COL23A1: variants seen among roughly 807,000 people sequenced by gnomAD.
COL23A1 encodes the protein collagen alpha-1(XXIII) chain.
COL23A1 carries 97 observed loss-of-function variants against 99.3 expected under a neutral mutation model. That is an observed-to-expected ratio of 0.98 (90% CI 0.83 to 1.16). COL23A1 has a LOEUF of 1.16. COL23A1 is among the 50% of genes most tolerant of loss of function. The pLI, the probability that COL23A1 is intolerant of heterozygous loss-of-function variation, is 0.00. For synonymous variants in COL23A1, 320 were observed against 308.2 expected (o/e 1.04, Z -0.40); for missense variants, 762 against 757.4 (o/e 1.01, Z -0.07).
chr5:178,502,675 T>C (rs1758635051), intron 2 of COL23A1, among the ~76,000 whole-genome samples: 1 of 152,158 alleles, frequency 6.6e-6, no homozygotes, highest in Admixed American at 6.5e-5. Flanking sequence ...AAATGAACGT[T>C]AGGATGTTTG....
chr5:178,382,008 T>C (rs1763407151), intron 2 of COL23A1, among the ~76,000 whole-genome samples: 1 of 152,110 alleles, frequency 6.6e-6, no homozygotes, highest in Admixed American at 6.5e-5. Flanking sequence ...GAGGGCAGGT[T>C]AGTCTTGCCC....
intron 5 of COL23A1, among the ~76,000 whole-genome samples, chr5:178,285,088 A>G (rs1757083838): frequency 6.6e-6 from 1 of 152,234 alleles, no homozygotes; most frequent in South Asian, 2.1e-4. Flanking sequence ...CACGGAGGGC[A>G]TGGACAGGGC....
chr5:178,314,689 C>T (rs1230686370), intron 2 of COL23A1, among the ~76,000 whole-genome samples: 1 of 152,202 alleles, frequency 6.6e-6, no homozygotes, highest in Non-Finnish European at 1.5e-5. Flanking sequence ...CAACTTTACA[C>T]TTGGCCCCAA....
At chr5:178,405,648 C>T (rs578056898) in intron 2 of COL23A1, among the ~76,000 whole-genome samples, 1 of 152,296 alleles carries the variant, frequency 6.6e-6, no homozygotes, top group South Asian at 2.1e-4. Flanking sequence ...ACCACCACTA[C>T]TGAACAGTTC....
chr5:178,563,526 C>CTTTTTT (rs779487808), intron 1 of COL23A1, among the ~76,000 whole-genome samples: 12 of 83,228 alleles, frequency 1.4e-4, no homozygotes, highest in Non-Finnish European at 1.9e-4. Flanking sequence ...TCAGAACTCA[C>CTTTTTT]TTTTTTTTTT....
Position 178,313,181 on chromosome 5 carries a change from G to A in COL23A1, c.362-6262C>T, listed in dbSNP as rs1022222685. On this transcript the variant is annotated intron_variant, in intron 2 of 28. Transcript: ENST00000390654. The surrounding 1 kb of genome is among the most constrained non-coding windows in gnomAD (Gnocchi z 4.2). The stretch of plus-strand genomic sequence containing the variant: ...AGAAGGTGGAATAGGGGGTGCCATC[G>A]GTGGGCTGGGCTAGGGGAGGCGAGA... 2.0e-5 allele frequency among the ~76,000 whole-genome samples: 3 copies of A among 152,158 alleles called. No individual in the cohort carries two copies. Among genetic ancestry groups the A allele is most frequent in the African/African-American group, 4.8e-5 (2 of 41,434 alleles).
intron 2 of COL23A1, among the ~76,000 whole-genome samples, chr5:178,411,828 C>T (rs1048473539): frequency 6.6e-6 from 1 of 152,198 alleles, no homozygotes; most frequent in Middle Eastern, 3.2e-3. Flanking sequence ...CATTAAAATC[C>T]AAGCAAGATA....
At chr5:178,418,947 C>T (rs73350818) in intron 2 of COL23A1, among the ~76,000 whole-genome samples, 3,756 of 152,272 alleles carry the variant, frequency 0.025, 162 homozygotes, top group African/African-American at 0.085. Context: ...AGAATGGAAG[C>T]CCCAGGAGAG....
intron 3 of COL23A1, among the ~76,000 whole-genome samples, chr5:178,293,820 G>A (rs1324361079): frequency 6.6e-6 from 1 of 152,078 alleles, no homozygotes; most frequent in Non-Finnish European, 1.5e-5. Flanking sequence ...TGTGAACTGA[G>A]AATTTGTGGA....
At chr5:178,510,086 T>C (rs1354749768) in intron 2 of COL23A1, among the ~76,000 whole-genome samples, 1 of 152,228 alleles carries the variant, frequency 6.6e-6, no homozygotes, top group Non-Finnish European at 1.5e-5. Context: ...CAGTTAATCA[T>C]GAGAAAATGC....
At chr5:178,579,073 CAG>C (rs1300958607) in intron 1 of COL23A1, among the ~76,000 whole-genome samples, 1 of 152,158 alleles carries the variant, frequency 6.6e-6, no homozygotes, top group Non-Finnish European at 1.5e-5. Context: ...CTCCTTGACT[CAG>C]AGGCTGGACA....
In COL23A1 at chr5:178,358,006, ATGTG is replaced by A. The variant is rs533021703; in HGVS notation, c.362-51091_362-51088del. On this transcript the variant is annotated intron_variant, in intron 2 of 28. Transcript: ENST00000390654. Reference sequence around the variant, plus strand: ...TGTGTGTATGCGTGTGTGTATATGTATGTGTGTGTATGTGTGTGTATGCGTATGT... The same window carrying A: ...TGTGTGTATGCGTGTGTGTATATGTATGTGTATGTGTGTGTATGCGTATGT... Among the ~76,000 whole-genome samples the A allele has an allele frequency of 2.6e-3, 309 of 118,148 alleles. 4 individuals are homozygous for A. Among genetic ancestry groups the A allele is most frequent in the East Asian group, 0.012 (48 of 3,848 alleles). The allele number at this position is 118,148 out of a possible 152,430, so 77.5% of individuals were successfully genotyped here.
intron 5 of COL23A1, among the ~76,000 whole-genome samples, chr5:178,276,390 G>C (rs893234489): frequency 2.6e-5 from 4 of 152,226 alleles, no homozygotes; most frequent in African/African-American, 4.8e-5. Flanking sequence ...AGGGAACGGA[G>C]CCCTCAAAAT....
At chr5:178,446,605 G>A (rs545774884) in intron 2 of COL23A1, among the ~76,000 whole-genome samples, 9 of 152,088 alleles carry the variant, frequency 5.9e-5, no homozygotes, top group African/African-American at 1.4e-4. Context: ...GATAGCCACC[G>A]CTGTCATAGA....
rs1444407403 is a variant in COL23A1, at chr5:178,387,077, C to T, written c.362-80158G>A. The stretch of plus-strand genomic sequence containing the variant: ...TGCTGTCCGACTTCCTGGCACTCTG[C>T]ACCCCCACCTTATTTCTCTCCCACG... On this transcript the variant is annotated intron_variant, in intron 2 of 28. Transcript: ENST00000390654. The surrounding 1 kb of genome is among the most constrained non-coding windows in gnomAD (Gnocchi z 4.7). Among the ~76,000 whole-genome samples the T allele has an allele frequency of 3.3e-5, 5 of 152,246 alleles. No homozygotes were observed. In the East Asian group the frequency reaches 5.8e-4, roughly 18 times the overall value.
chr5:178,349,403 CTG>C (rs1404816196), intron 2 of COL23A1, among the ~76,000 whole-genome samples: 2 of 152,162 alleles, frequency 1.3e-5, no homozygotes, highest in Non-Finnish European at 2.9e-5. Flanking sequence ...CCGGGTGATG[CTG>C]TGACTGGCTT....
Position 178,589,441 on chromosome 5 carries a change from C to T in COL23A1, c.294+463G>A, listed in dbSNP as rs1183727773. On this transcript the variant is annotated intron_variant, in intron 1 of 28. Coordinates refer to ENST00000390654, the MANE Select transcript of COL23A1 (RefSeq NM_173465.4). This position sits in a 1 kb window ranked among gnomAD's most constrained non-coding sequence, Gnocchi z 5.4. Reference sequence around the variant, plus strand: ...AGCGGGGCCCAGCCCTCGGGCCTGTCTGAGGCTTTCCTCCGCCGTGACCAC... The same window carrying T: ...AGCGGGGCCCAGCCCTCGGGCCTGTTTGAGGCTTTCCTCCGCCGTGACCAC... 1.3e-5 allele frequency among the ~76,000 whole-genome samples: 2 copies of T among 152,174 alleles called. No homozygotes were observed. The highest frequency in any genetic ancestry group is 2.9e-5 in the Non-Finnish European group (2 of 68,030).
intron 2 of COL23A1, among the ~76,000 whole-genome samples, chr5:178,543,060 G>A (rs1229185804): frequency 1.3e-5 from 2 of 151,974 alleles, no homozygotes; most frequent in African/African-American, 4.8e-5. Flanking sequence ...GTGGAGCTGT[G>A]TGTGTTCGAG....
rs1250663155 is a variant in COL23A1 at position 178,248,217 on chromosome 5, G to A, written c.1187C>T (p.Ala396Val). 7 of 1,610,076 alleles carry A rather than the reference G, an allele frequency of 4.3e-6. No homozygotes were observed. The highest frequency in any genetic ancestry group is 1.7e-4 in the Middle Eastern group (1 of 6,042). ...CAGGCTCTCCTGTAGGCTGTCAGAC[G>A]CCGACTCCCCCTTCTCCCCCTTGAG... ...DGLKGEKGESASDSLQESLAQ... is the reference protein window; with the variant it reads ...DGLKGEKGESVSDSLQESLAQ... Residue 396 changes from alanine (A) to valine (V), a missense_variant, in exon 20 of 29, where the codon GCG (alanine) becomes GTG (valine). Coordinates refer to ENST00000390654, the MANE Select transcript of COL23A1 (RefSeq NM_173465.4).
Sources: allele counts gnomAD v4.1 joint callset (sites outside exome capture counted in the v4.1 genomes callset), GRCh38; gene constraint gnomAD v4.1.1; non-coding constraint Gnocchi (gnomAD v3.1); transcripts MANE v1.5; gene names NCBI Gene and HGNC (gene_info 2026-07-23, HGNC 2026-07-21).